EIF2AK2: variants seen among roughly 807,000 people sequenced by gnomAD.
EIF2AK2 encodes eukaryotic translation initiation factor 2 alpha kinase 2.
Under a neutral mutation model 70.5 loss-of-function variants are expected in EIF2AK2, and 40 were observed. That is an observed-to-expected ratio of 0.57 (90% CI 0.44 to 0.74). The LOEUF is 0.74. EIF2AK2 is among the 30% of genes least tolerant of loss of function. The pLI, the probability that EIF2AK2 is intolerant of heterozygous loss-of-function variation, is 0.00. For synonymous variants in EIF2AK2, 198 were observed against 220.9 expected (o/e 0.90, Z 0.92); for missense variants, 555 against 644.3 (o/e 0.86, Z 1.50).
chr2:37,104,167 TAAAAC>T lies in EIF2AK2; in HGVS notation c.*3101_*3105del, dbSNP rs146980171. 5,436 of 151,568 alleles carry T rather than the reference TAAAAC, an allele frequency of 0.036. 121 individuals carry two copies. Among genetic ancestry groups the T allele is most frequent in the Non-Finnish European group, 0.052 (3,557 of 67,946 alleles). The allele number at this position is 151,568 out of a possible 1,614,324, so 9.4% of individuals were successfully genotyped here. ...AACAAACAAACAAACAAAAACAAAA[TAAAAC>T]AAAACAAAAAGACATTTTCTACATA... is the stretch of plus-strand genomic sequence containing the variant. On this transcript the variant is annotated 3_prime_UTR_variant, in exon 17 of 17. Coordinates refer to ENST00000233057, the MANE Select transcript of EIF2AK2 (RefSeq NM_001135651.3).
chr2:37,152,313 A>G (rs1261392850), intron 1 of EIF2AK2, among the ~76,000 whole-genome samples: 2 of 151,860 alleles, frequency 1.3e-5, no homozygotes, highest in African/African-American at 4.8e-5. Context: ...ACAGGGCCTC[A>G]CTCTGTTGCC....
chr2:37,135,738 C>T (rs1427428791), intron 9 of EIF2AK2, among the ~76,000 whole-genome samples, 192 bp from the exon 10 acceptor site: 1 of 152,152 alleles, frequency 6.6e-6, no homozygotes, highest in East Asian at 1.9e-4. Flanking sequence ...AGAGGAGATC[C>T]TCCCACCTCA....
intron 10 of EIF2AK2, among the ~76,000 whole-genome samples, chr2:37,133,833 T>C (rs910562772): frequency 6.6e-6 from 1 of 152,228 alleles, no homozygotes; most frequent in Non-Finnish European, 1.5e-5. Flanking sequence ...AGCTCCTTAC[T>C]ATTCCACGGG....
chr2:37,155,776 A>G (rs1289327729), intron 1 of EIF2AK2, among the ~76,000 whole-genome samples: 1 of 151,986 alleles, frequency 6.6e-6, no homozygotes, highest in Admixed American at 6.6e-5. Context: ...CCCTGTCTCT[A>G]CTAAAAATAA....
chr2:37,134,695 A>C (rs1202846188), intron 10 of EIF2AK2, among the ~76,000 whole-genome samples: 1 of 152,170 alleles, frequency 6.6e-6, no homozygotes, highest in Non-Finnish European at 1.5e-5. Context: ...GAAAGAAAAA[A>C]CACCCATCTT....
chr2:37,134,555 G>A (rs1558421516), intron 10 of EIF2AK2, among the ~76,000 whole-genome samples: 1 of 152,086 alleles, frequency 6.6e-6, no homozygotes, highest in Non-Finnish European at 1.5e-5. Context: ...CTTTATCCAT[G>A]GCTCAACATC....
intron 3 of EIF2AK2, 55 bp downstream of exon 3, chr2:37,147,633 G>C: frequency 8.3e-7 from 1 of 1,204,130 alleles, no homozygotes; most frequent in South Asian, 1.2e-5. Context: ...TCCCTACAAA[G>C]GACATGAACT....
intron 10 of EIF2AK2, among the ~76,000 whole-genome samples, chr2:37,135,158 C>G (rs1413439622): frequency 6.6e-6 from 1 of 152,180 alleles, no homozygotes; most frequent in Non-Finnish European, 1.5e-5. Context: ...CTCTGCCTCT[C>G]ATTGGGTGAG....
chr2:37,135,451 C>T (rs1457707635), intron 10 of EIF2AK2, 33 bp downstream of exon 10: 8 of 1,559,626 alleles, frequency 5.1e-6, no homozygotes, highest in Non-Finnish European at 2.6e-6. Context: ...ACAGCATTAC[C>T]CCTTCTTCTT....
intron 13 of EIF2AK2, 45 bp downstream of exon 13, chr2:37,119,914 C>T: frequency 9.4e-7 from 1 of 1,067,128 alleles, no homozygotes; most frequent in Non-Finnish European, 1.2e-6. Flanking sequence ...TTTAAAATTA[C>T]TATATTATAT....
intron 14 of EIF2AK2, among the ~76,000 whole-genome samples, chr2:37,112,145 C>T (rs946373834): frequency 1.3e-5 from 2 of 151,862 alleles, no homozygotes; most frequent in African/African-American, 4.8e-5. Context: ...AAAGCCATCA[C>T]AAGGTTCTGC....
In EIF2AK2 at chr2:37,099,340, C is replaced by T. The variant is rs1390637363; in HGVS notation, c.*7933G>A. The T allele has an allele frequency of 1.3e-5, 2 of 152,004 alleles. No individual in the cohort carries two copies. Among genetic ancestry groups the T allele is most frequent in the African/African-American group, 4.8e-5 (2 of 41,376 alleles). The allele number at this position is 152,004 out of a possible 1,614,324, so 9.4% of individuals were successfully genotyped here. ...ATTCAAAATTCTTAACTTTTGAGTT[C>T]CTGCTTTCTTCACAGCAGTGCACTC... On this transcript the variant is annotated 3_prime_UTR_variant, in exon 17 of 17. Coordinates refer to ENST00000233057, the MANE Select transcript of EIF2AK2 (RefSeq NM_001135651.3).
In EIF2AK2 at chr2:37,135,636, T is replaced by G; in HGVS notation, c.723-90A>C. On this transcript the variant is annotated intron_variant, in intron 9 of 16. Coordinates refer to ENST00000233057, the MANE Select transcript of EIF2AK2 (RefSeq NM_001135651.3). ...TTAATGTTAACCTTTTTCTTTCTTT[T>G]TTTTTCTTCAGAGGCAAGGTCTCAC... The G allele has an allele frequency of 2.4e-6, 3 of 1,273,474 alleles. No individual in the cohort carries two copies. In the South Asian group the frequency reaches 4.1e-5, roughly 18 times the overall value. 78.9% of individuals were successfully genotyped at this position (1,273,474 alleles called of 1,614,324 possible).
rs1219132197 is a variant in EIF2AK2 at position 37,155,755 on chromosome 2, A to C, written c.-184+1153T>G. Among the ~76,000 whole-genome samples the C allele has an allele frequency of 2.6e-5, 4 of 152,124 alleles. No homozygotes were observed. The East Asian group carries it at 7.7e-4, about 29-fold the overall frequency. On this transcript the variant is annotated intron_variant, in intron 1 of 16. Coordinates refer to ENST00000233057, the MANE Select transcript of EIF2AK2 (RefSeq NM_001135651.3). ...CAGCAGACTACATACAGCCTGGCCA[A>C]CACGGTGAAACCCTGTCTCTACTAA...
At chr2:37,139,361 T>C (rs1675246599) in intron 6 of EIF2AK2, among the ~76,000 whole-genome samples, 1 of 150,356 alleles carries the variant, frequency 6.7e-6, no homozygotes, top group Non-Finnish European at 1.5e-5. Flanking sequence ...TCCACCTGCC[T>C]TGGCCTCCCA....
At chr2:37,132,238 G>A (rs1024919195) in intron 10 of EIF2AK2, among the ~76,000 whole-genome samples, 3 of 151,474 alleles carry the variant, frequency 2.0e-5, no homozygotes, top group Non-Finnish European at 4.4e-5. Context: ...ACTCACAGCG[G>A]GGGCACAATT....
At position 37,139,223 on chromosome 2, in the gene EIF2AK2, G is replaced by A. The variant is rs545220136; in HGVS notation, c.516+408C>T. 1.1e-4 allele frequency among the ~76,000 whole-genome samples: 16 copies of A among 151,332 alleles called. No homozygotes were observed. In the South Asian group the frequency reaches 3.4e-3, roughly 32 times the overall value. ...CCAGCTACTCAGTAGGCTGAGGCAGGAGAATTGCTTGAACATGGGAGGCGG... is the reference window on the plus strand; with the variant it reads ...CCAGCTACTCAGTAGGCTGAGGCAGAAGAATTGCTTGAACATGGGAGGCGG... On this transcript the variant is annotated intron_variant, in intron 6 of 16. Coordinates refer to ENST00000233057, the MANE Select transcript of EIF2AK2 (RefSeq NM_001135651.3).
intron 4 of EIF2AK2, among the ~76,000 whole-genome samples, chr2:37,145,600 A>G (rs570766151): frequency 4.6e-5 from 7 of 152,314 alleles, no homozygotes; most frequent in African/African-American, 1.7e-4. Context: ...CAGTGTTTAT[A>G]AAGTCTACAG....
intron 5 of EIF2AK2, among the ~76,000 whole-genome samples, chr2:37,140,513 G>T (rs1311574412): frequency 6.6e-6 from 1 of 152,028 alleles, no homozygotes; most frequent in African/African-American, 2.4e-5. Context: ...CATCCAAACA[G>T]GGTGAGTCTT....
Sources: allele counts gnomAD v4.1 joint callset (sites outside exome capture counted in the v4.1 genomes callset), GRCh38; gene constraint gnomAD v4.1.1; transcripts MANE v1.5; gene names NCBI Gene and HGNC (gene_info 2026-07-23, HGNC 2026-07-21).